The following SLC25A21 variants were observed in gnomAD, a reference collection of about 807,000 sequenced individuals.
The protein encoded by SLC25A21 is solute carrier family 25 member 21, also known as mitochondrial 2-oxodicarboxylate carrier.
Under a neutral mutation model 43.8 loss-of-function variants are expected in SLC25A21, and 47 were observed. The ratio of observed to expected loss-of-function variants is 1.07; its 90% CI spans 0.85 to 1.37. SLC25A21 has a LOEUF of 1.37. Ranked by LOEUF, SLC25A21 falls within the 40% of genes most tolerant of loss-of-function variation. The pLI is 0.00. For synonymous variants in SLC25A21, 131 were observed against 121.3 expected, an observed-to-expected ratio of 1.08 and a Z score of -0.52; for missense variants, 352 against 350.2, an observed-to-expected ratio of 1.00 and a Z score of -0.04.
At chr14:37,098,442 C>T (rs1177096483) in intron 1 of SLC25A21, 1 of 152,124 alleles carries the variant, frequency 6.6e-6, no homozygotes, top group Non-Finnish European at 1.5e-5. Flanking sequence ...AGCTCTGCCA[C>T]TAACTCACTG....
At chr14:36,740,327 A>G (rs1327940273) in intron 3 of SLC25A21, among the ~76,000 whole-genome samples, 1 of 152,194 alleles carries the variant, frequency 6.6e-6, no homozygotes, top group African/African-American at 2.4e-5. Flanking sequence ...GATGGAATAC[A>G]GAGAAGCTAG....
intron 1 of SLC25A21, among the ~76,000 whole-genome samples, chr14:37,163,570 A>G (rs1480364975): frequency 1.3e-5 from 2 of 152,148 alleles, no homozygotes; most frequent in African/African-American, 4.8e-5. Flanking sequence ...AAAACAAAAA[A>G]AGGAAATTGG....
At chr14:37,040,227 A>AGG (rs1961419623) in intron 1 of SLC25A21, among the ~76,000 whole-genome samples, 13 of 9,646 alleles carry the variant, frequency 1.3e-3, no homozygotes, top group African/African-American at 9.4e-3. Flanking sequence ...AGAAAAAGAA[A>AGG]AAGAAAGGGA....
chr14:36,898,188 C>T (rs900370382), intron 1 of SLC25A21, among the ~76,000 whole-genome samples: 41 of 152,192 alleles, frequency 2.7e-4, no homozygotes, highest in African/African-American at 7.2e-4. Flanking sequence ...ACACCCAGTT[C>T]GAGCTTCCCG....
intron 6 of SLC25A21, among the ~76,000 whole-genome samples, chr14:36,717,753 T>C (rs1003997205): frequency 7.2e-5 from 11 of 152,252 alleles, no homozygotes; most frequent in African/African-American, 2.7e-4. Flanking sequence ...ATGAAAACAG[T>C]GTGGTTGACT....
intron 3 of SLC25A21, among the ~76,000 whole-genome samples, chr14:36,812,069 AC>A (rs1184650676): frequency 6.6e-6 from 1 of 152,210 alleles, no homozygotes; most frequent in Non-Finnish European, 1.5e-5. Flanking sequence ...ATAAGTACCT[AC>A]AAATTAAAAA....
intron 1 of SLC25A21, among the ~76,000 whole-genome samples, chr14:36,949,063 C>T (rs780267386): frequency 2.6e-4 from 39 of 152,114 alleles, no homozygotes; most frequent in Non-Finnish European, 5.0e-4. Flanking sequence ...TTACAGAGAT[C>T]GAGTGATGGG....
chr14:36,737,700 G>A (rs1885101560), intron 3 of SLC25A21, among the ~76,000 whole-genome samples: 2 of 152,184 alleles, frequency 1.3e-5, no homozygotes, highest in South Asian at 4.1e-4. Flanking sequence ...ATATGATACA[G>A]GGTCAGTCTT....
At chr14:36,721,200 T>C (rs1223208214) in intron 6 of SLC25A21, among the ~76,000 whole-genome samples, 2 of 152,222 alleles carry the variant, frequency 1.3e-5, no homozygotes, top group Non-Finnish European at 2.9e-5. Flanking sequence ...ATAACAATCA[T>C]GTTGTAATAA....
chr14:36,804,289 G>A (rs1243048452), intron 3 of SLC25A21, among the ~76,000 whole-genome samples: 1 of 152,180 alleles, frequency 6.6e-6, no homozygotes, highest in Non-Finnish European at 1.5e-5. Context: ...AACCCAAAGA[G>A]GGAATGGTGT....
chr14:36,970,328 C>T (rs1049561218), intron 1 of SLC25A21, among the ~76,000 whole-genome samples: 9 of 152,066 alleles, frequency 5.9e-5, no homozygotes, highest in Non-Finnish European at 1.3e-4. Flanking sequence ...GAAACATTTG[C>T]TGATGGAATC....
chr14:36,813,380 T>C (rs566272129), intron 3 of SLC25A21, among the ~76,000 whole-genome samples: 19 of 152,068 alleles, frequency 1.2e-4, no homozygotes, highest in Non-Finnish European at 2.4e-4. Context: ...TTTTTTTTCT[T>C]AAAGACAGTC....
At chr14:37,018,090 T>C (rs1366250839) in intron 1 of SLC25A21, among the ~76,000 whole-genome samples, 1 of 151,938 alleles carries the variant, frequency 6.6e-6, no homozygotes, top group Admixed American at 6.6e-5. Context: ...AAAAAAAAAG[T>C]AAATCTGTAT....
At chr14:36,785,086 T>C (rs1172332637) in intron 3 of SLC25A21, among the ~76,000 whole-genome samples, 1 of 152,200 alleles carries the variant, frequency 6.6e-6, no homozygotes, top group Non-Finnish European at 1.5e-5. Flanking sequence ...CATGTCATAA[T>C]GTGTTTCTGT....
intron 1 of SLC25A21, among the ~76,000 whole-genome samples, chr14:36,956,435 T>C (rs1296092092): frequency 1.3e-5 from 2 of 152,244 alleles, no homozygotes; most frequent in Admixed American, 6.5e-5. Context: ...AGGTTAGTAA[T>C]GCATACTGTA....
intron 2 of SLC25A21, among the ~76,000 whole-genome samples, chr14:36,852,090 C>T (rs1250079248): frequency 1.3e-5 from 2 of 152,254 alleles, no homozygotes; most frequent in East Asian, 1.9e-4. Context: ...TAGTCTTTAA[C>T]TTCAAATCCA....
At chr14:36,718,852 CTAAT>C (rs977989213) in intron 6 of SLC25A21, among the ~76,000 whole-genome samples, 5 of 152,164 alleles carry the variant, frequency 3.3e-5, no homozygotes, top group African/African-American at 1.2e-4. Flanking sequence ...AGATAGAACA[CTAAT>C]TATTTCTTTT....
chr14:36,914,246 A>G (rs981108708), intron 1 of SLC25A21, among the ~76,000 whole-genome samples: 2 of 152,208 alleles, frequency 1.3e-5, no homozygotes, highest in Non-Finnish European at 2.9e-5. Flanking sequence ...TTAATAAATG[A>G]TTCGTCAGTG....
At chr14:37,113,841 G>T (rs1466646301) in intron 1 of SLC25A21, among the ~76,000 whole-genome samples, 10 of 116,678 alleles carry the variant, frequency 8.6e-5, no homozygotes, top group Admixed American at 8.0e-4. Context: ...GCAACAGAGC[G>T]AGACTCTGTC....
Sources: allele counts gnomAD v4.1 joint callset (sites outside exome capture counted in the v4.1 genomes callset), GRCh38; gene constraint gnomAD v4.1.1; transcripts MANE v1.5; gene names NCBI Gene and HGNC (gene_info 2026-07-23, HGNC 2026-07-21).